The following MFHAS1 variants were observed in gnomAD, a reference collection of about 807,000 sequenced individuals.
MFHAS1 encodes multifunctional ROCO family signaling regulator 1.
A neutral mutation model predicts 70.4 loss-of-function variants in MFHAS1; 50 were observed. The observed-to-expected ratio is 0.71, with a 90% CI of 0.57 to 0.90. MFHAS1 has a LOEUF of 0.90. Ranked by LOEUF, MFHAS1 falls within the 40% of genes least tolerant of loss-of-function variation. The pLI is 0.00. For synonymous variants in MFHAS1, 952 were observed against 620.0 expected (o/e 1.54, Z -7.96); for missense variants, 1,795 against 1,347.6 (o/e 1.33, Z -5.20).
At chr8:8,859,575 C>G (rs1808583890) in intron 1 of MFHAS1, among the ~76,000 whole-genome samples, 1 of 152,190 alleles carries the variant, frequency 6.6e-6, no homozygotes, top group African/African-American at 2.4e-5. Context: ...CCTCCTCAGT[C>G]TACTCAATTT....
intron 1 of MFHAS1, among the ~76,000 whole-genome samples, chr8:8,811,772 C>T (rs1037177809): frequency 6.6e-6 from 1 of 152,220 alleles, no homozygotes; most frequent in African/African-American, 2.4e-5. Flanking sequence ...ACTCATCCAT[C>T]CCCGAATCCA....
intron 1 of MFHAS1, among the ~76,000 whole-genome samples, chr8:8,854,601 C>G (rs1808364431): frequency 6.6e-6 from 1 of 150,854 alleles, no homozygotes; most frequent in Non-Finnish European, 1.5e-5. Flanking sequence ...ATGAGAATTG[C>G]TTGAACCTTG....
rs754931910 is a variant in MFHAS1 at position 8,891,585 on chromosome 8, G to A, written c.1474C>T (p.Leu492=). ...ESYEVIQPFF[L]SPGALYVLVV... is the part of the protein sequence containing the mutation. ...AGCACGTATAGGGCCCCTGGGGACA[G>A]GAAGAAGGGCTGGATCACCTCATAA... is the stretch of plus-strand genomic sequence containing the variant. The change falls in exon 1 of 3, where the codon CTG becomes TTG. Residue 492 remains leucine, a synonymous_variant. Coordinates refer to ENST00000276282, the MANE Select transcript of MFHAS1 (RefSeq NM_004225.3). The surrounding 1 kb of genome is among the most constrained non-coding windows in gnomAD (Gnocchi z 5.4). 2 of 1,613,364 alleles carry A rather than the reference G, an allele frequency of 1.2e-6. No individual in the cohort carries two copies. The highest frequency in any genetic ancestry group is 1.7e-6 in the Non-Finnish European group (2 of 1,180,036).
At chr8:8,832,784 A>G (rs1807454007) in intron 1 of MFHAS1, among the ~76,000 whole-genome samples, 1 of 151,958 alleles carries the variant, frequency 6.6e-6, no homozygotes, top group Non-Finnish European at 1.5e-5. Flanking sequence ...ACATGCCATT[A>G]CTACATGCTA....
chr8:8,833,223 C>A (rs1369944684), intron 1 of MFHAS1, among the ~76,000 whole-genome samples: 1 of 152,170 alleles, frequency 6.6e-6, no homozygotes, highest in Non-Finnish European at 1.5e-5. Flanking sequence ...CCAGGCCCCA[C>A]CTTCAGCACT....
chr8:8,867,871 T>G (rs1347304401), intron 1 of MFHAS1, among the ~76,000 whole-genome samples: 2 of 152,250 alleles, frequency 1.3e-5, no homozygotes, highest in East Asian at 3.9e-4. Flanking sequence ...ATTGCTATAC[T>G]TTTTTAGTAA....
chr8:8,868,812 T>G (rs1461693592), intron 1 of MFHAS1, among the ~76,000 whole-genome samples: 1 of 152,174 alleles, frequency 6.6e-6, no homozygotes, highest in African/African-American at 2.4e-5. Flanking sequence ...CTACTTCATA[T>G]GCAAACAGCA....
intron 1 of MFHAS1, among the ~76,000 whole-genome samples, chr8:8,860,983 T>C (rs1808638593): frequency 6.6e-6 from 1 of 152,328 alleles, no homozygotes; most frequent in South Asian, 2.1e-4. Flanking sequence ...TGACAAGAAC[T>C]GGGAGTTCTA....
chr8:8,893,165 T>G lies in MFHAS1; in HGVS notation c.-107A>C. The G allele has an allele frequency of 5.7e-6, 4 of 696,180 alleles. No homozygotes were observed. The highest frequency in any genetic ancestry group is 3.9e-6 in the Non-Finnish European group (2 of 513,192). 43.1% of individuals were successfully genotyped at this position (696,180 alleles called of 1,614,324 possible). ...CCTGCCCCTGCCTGCCCTCCCGCGC[T>G]CGGCGGCCGGCGGCCGCGGGTCCTA... is the stretch of plus-strand genomic sequence containing the variant. On this transcript the variant is annotated 5_prime_UTR_variant, in exon 1 of 3. Transcript: ENST00000276282.
At chr8:8,790,901 A>C (rs1399666081) in intron 2 of MFHAS1, among the ~76,000 whole-genome samples, 1 of 152,186 alleles carries the variant, frequency 6.6e-6, no homozygotes, top group Non-Finnish European at 1.5e-5. Context: ...TTCCTGTGCA[A>C]AGTAACCACG....
At position 8,803,277 on chromosome 8, in the gene MFHAS1, G is replaced by A. The variant is rs977801690; in HGVS notation, c.2999-5786C>T. Among the ~76,000 whole-genome samples, 9 of 152,136 alleles carry A rather than the reference G, an allele frequency of 5.9e-5. No individual in the cohort carries two copies. In the South Asian group the frequency reaches 1.2e-3, roughly 21 times the overall value. On this transcript the variant is annotated intron_variant, in intron 1 of 2. Transcript: ENST00000276282. Reference sequence around the variant, plus strand: ...TGTAATACCAGCACTTTGGGAGGCCGAGGGGTGGGGGCAGATCATTTGAGG... The same window carrying A: ...TGTAATACCAGCACTTTGGGAGGCCAAGGGGTGGGGGCAGATCATTTGAGG...
chr8:8,873,727 C>T (rs1006816395), intron 1 of MFHAS1, among the ~76,000 whole-genome samples: 7 of 152,086 alleles, frequency 4.6e-5, no homozygotes, highest in African/African-American at 1.7e-4. Flanking sequence ...CCACGCAGCG[C>T]GGGAAGATTT....
At chr8:8,858,245 T>C (rs1021400265) in intron 1 of MFHAS1, among the ~76,000 whole-genome samples, 2 of 152,194 alleles carry the variant, frequency 1.3e-5, no homozygotes, top group Non-Finnish European at 2.9e-5. Context: ...TCTTAGGCAT[T>C]TTTATATGCA....
chr8:8,788,113 G>T (rs1226088003), intron 2 of MFHAS1, among the ~76,000 whole-genome samples: 1 of 152,150 alleles, frequency 6.6e-6, no homozygotes, highest in African/African-American at 2.4e-5. Context: ...CACCTATCAT[G>T]GCAGGTACCA....
intron 1 of MFHAS1, among the ~76,000 whole-genome samples, chr8:8,836,449 A>C (rs1213830306): frequency 6.6e-6 from 1 of 151,828 alleles, no homozygotes; most frequent in African/African-American, 2.4e-5. Flanking sequence ...CATGATCGGA[A>C]CTCACTGCAG....
intron 1 of MFHAS1, among the ~76,000 whole-genome samples, chr8:8,842,896 T>C (rs1022641563): frequency 6.6e-6 from 1 of 152,220 alleles, no homozygotes; most frequent in African/African-American, 2.4e-5. Flanking sequence ...ACTTGGGCCT[T>C]TGCAATCTGC....
chr8:8,815,379 C>T (rs539991386), intron 1 of MFHAS1, among the ~76,000 whole-genome samples: 48 of 152,092 alleles, frequency 3.2e-4, no homozygotes, highest in Admixed American at 1.4e-3. Flanking sequence ...TAAGTATATA[C>T]CCAGTAATGG....
chr8:8,855,321 C>G (rs1380947334), intron 1 of MFHAS1, among the ~76,000 whole-genome samples: 8 of 152,212 alleles, frequency 5.3e-5, no homozygotes, highest in African/African-American at 1.9e-4. Context: ...TGAATTAAGA[C>G]ATGGCATCTT....
chr8:8,866,041 G>A (rs1006239907), intron 1 of MFHAS1, among the ~76,000 whole-genome samples: 3 of 152,154 alleles, frequency 2.0e-5, no homozygotes, highest in African/African-American at 4.8e-5. Flanking sequence ...TGAAATCCTG[G>A]TTTCCCTGGG....
Sources: allele counts gnomAD v4.1 joint callset (sites outside exome capture counted in the v4.1 genomes callset), GRCh38; gene constraint gnomAD v4.1.1; non-coding constraint Gnocchi (gnomAD v3.1); transcripts MANE v1.5; gene names NCBI Gene and HGNC (gene_info 2026-07-23, HGNC 2026-07-21).